The following CPNE1 variants were observed in gnomAD, a reference collection of about 807,000 sequenced individuals.
CPNE1 encodes copine 1.
CPNE1 carries 58 observed loss-of-function variants against 63.2 expected under a neutral mutation model. The observed-to-expected ratio is 0.92, with a 90% CI of 0.74 to 1.14. The LOEUF (loss-of-function observed/expected upper bound fraction) is 1.14, where lower values mean the gene tolerates loss of function less well. Ranked by LOEUF, CPNE1 falls within the 50% of genes most tolerant of loss-of-function variation. CPNE1 has a pLI of 0.00. For synonymous variants in CPNE1, 237 were observed against 249.0 expected, an observed-to-expected ratio of 0.95 and a Z score of 0.45; for missense variants, 672 against 661.7, an observed-to-expected ratio of 1.02 and a Z score of -0.17.
At chr20:35,647,314 C>CCAAA (rs1491126478) in intron 1 of CPNE1, 44 of 88,134 alleles carry the variant, frequency 5.0e-4, no homozygotes, top group African/African-American at 1.9e-3. Context: ...GACTTTGTCT[C>CCAAA]AAAAAAAAAA....
chr20:35,659,780 G>A (rs6058290), intron 1 of CPNE1, among the ~76,000 whole-genome samples: 38,414 of 152,002 alleles, frequency 0.25, 5,609 homozygotes, highest in African/African-American at 0.41. Context: ...AAACTGGTGA[G>A]GTTATTAACA....
intron 1 of CPNE1, among the ~76,000 whole-genome samples, chr20:35,639,686 GT>G (rs747795690): frequency 2.6e-5 from 4 of 152,204 alleles, no homozygotes; most frequent in Non-Finnish European, 4.4e-5. Flanking sequence ...GTAAGAGGTT[GT>G]TGTGAATGAC....
At chr20:35,654,031 C>T (rs2033725352) in intron 1 of CPNE1, 1 of 1,614,072 alleles carries the variant, frequency 6.2e-7, no homozygotes, top group Non-Finnish European at 8.5e-7. Flanking sequence ...CAAGTAAACA[C>T]AAAAACCAGC....
intron 1 of CPNE1, chr20:35,664,274 C>T (rs2034408254): frequency 6.6e-6 from 1 of 152,308 alleles, no homozygotes; most frequent in African/African-American, 2.4e-5. Flanking sequence ...CAGGTGTGAC[C>T]TGGGTCCCCT....
intron 1 of CPNE1, among the ~76,000 whole-genome samples, chr20:35,647,162 A>C (rs1246644423): frequency 2.0e-5 from 3 of 151,934 alleles, no homozygotes; most frequent in Non-Finnish European, 4.4e-5. Flanking sequence ...AATACAAAAA[A>C]AATTAGCTGG....
intron 13 of CPNE1, among the ~76,000 whole-genome samples, chr20:35,629,105 C>A (rs1292190293): frequency 6.6e-6 from 1 of 152,164 alleles, no homozygotes; most frequent in Non-Finnish European, 1.5e-5. Flanking sequence ...CACACACATA[C>A]ACACTGTATA....
chr20:35,648,645 A>G (rs1601457061), intron 1 of CPNE1, among the ~76,000 whole-genome samples: 1 of 152,230 alleles, frequency 6.6e-6, no homozygotes, highest in African/African-American at 2.4e-5. Flanking sequence ...TTCAAGATAA[A>G]AAGTTTTCAA....
intron 1 of CPNE1, 177 bp downstream of exon 1, chr20:35,664,583 T>A (rs954333973): frequency 2.0e-5 from 3 of 152,338 alleles, no homozygotes; most frequent in African/African-American, 7.2e-5. Flanking sequence ...CCTTGCATCC[T>A]CTCAGATCTC....
chr20:35,664,126 C>G (rs1372817946), intron 1 of CPNE1, among the ~76,000 whole-genome samples: 1 of 152,178 alleles, frequency 6.6e-6, no homozygotes, highest in African/African-American at 2.4e-5. Flanking sequence ...GCTACACCCT[C>G]GAGTAAAGCC....
intron 1 of CPNE1, among the ~76,000 whole-genome samples, chr20:35,661,701 T>C (rs2146381631): frequency 6.6e-6 from 1 of 152,348 alleles, no homozygotes; most frequent in African/African-American, 2.4e-5. Flanking sequence ...TTACTAGCCA[T>C]TCTAATCACT....
chr20:35,633,471 ACTG>A lies in CPNE1; in HGVS notation c.1-551_1-549del, dbSNP rs1165183578. On this transcript the variant is annotated intron_variant, in intron 1 of 15. Transcript: ENST00000397443. ...CCCCCTACTAATTCTCCTCACCTCT[ACTG>A]CTAATGTTCAACTCCTCACTATTTC... Among the ~76,000 whole-genome samples the A allele has an allele frequency of 1.8e-3, 281 of 152,170 alleles. 1 individual carries two copies. The highest frequency in any genetic ancestry group is 6.6e-3 in the African/African-American group (273 of 41,506).
At chr20:35,627,438 G>T (rs767313284) in intron 13 of CPNE1, 25 bp from the exon 14 acceptor site, 13 of 1,611,852 alleles carry the variant, frequency 8.1e-6, no homozygotes, top group Non-Finnish European at 1.1e-5. Context: ...AAGAAATACC[G>T]TAAAATCCTG....
chr20:35,652,724 C>G, intron 1 of CPNE1: 1 of 1,613,966 alleles, frequency 6.2e-7, no homozygotes, highest in Admixed American at 1.7e-5. Flanking sequence ...TCAATAGACA[C>G]AGTAAAGGGC....
intron 1 of CPNE1, chr20:35,649,464 T>C (rs756470413): frequency 6.6e-6 from 1 of 152,610 alleles, no homozygotes; most frequent in Non-Finnish European, 1.5e-5. Context: ...ACACTGAATA[T>C]TACTACCTGA....
chr20:35,634,125 G>A (rs2032341456), intron 1 of CPNE1, among the ~76,000 whole-genome samples: 1 of 149,090 alleles, frequency 6.7e-6, no homozygotes, highest in African/African-American at 2.5e-5. Context: ...GCCAGGTGTG[G>A]TGGCGGGCGC....
intron 1 of CPNE1, chr20:35,652,899 G>T (rs1174440090): frequency 6.2e-7 from 1 of 1,613,646 alleles, no homozygotes; most frequent in Admixed American, 1.7e-5. Context: ...GACCAGGAGG[G>T]CCACTTCCAA....
In CPNE1 at chr20:35,647,897, G is replaced by GAAA. The variant is rs11481740; in HGVS notation, c.1-14977_1-14975dup. On this transcript the variant is annotated intron_variant, in intron 1 of 15. Coordinates refer to ENST00000397443, the MANE Select transcript of CPNE1 (RefSeq NM_152925.3). ...GCAAAACCCCGTCTCTACTAAAAAT[G>GAAA]AAAAAAAAAAAAAAAAAAATTAGCT... Among the ~76,000 whole-genome samples, 381 of 98,730 alleles carry GAAA rather than the reference G, an allele frequency of 3.9e-3. 2 individuals carry two copies. Among genetic ancestry groups the GAAA allele is most frequent in the African/African-American group, 7.2e-3 (207 of 28,840 alleles). The allele number at this position is 98,730 out of a possible 152,430, so 64.8% of individuals were successfully genotyped here.
chr20:35,641,573 A>ATGC (rs2032812780), intron 1 of CPNE1, among the ~76,000 whole-genome samples: 1 of 152,228 alleles, frequency 6.6e-6, no homozygotes, highest in Non-Finnish European at 1.5e-5. Context: ...TCTGAAGATT[A>ATGC]ATATAAATAA....
intron 1 of CPNE1, chr20:35,653,872 T>G: frequency 6.2e-7 from 1 of 1,614,134 alleles, no homozygotes; most frequent in Non-Finnish European, 8.5e-7. Flanking sequence ...AGCAGCCTTA[T>G]AGTCAGCCTC....
Sources: allele counts gnomAD v4.1 joint callset (sites outside exome capture counted in the v4.1 genomes callset), GRCh38; gene constraint gnomAD v4.1.1; transcripts MANE v1.5; gene names NCBI Gene and HGNC (gene_info 2026-07-23, HGNC 2026-07-21).